The following MAD1L1 variants were observed in gnomAD, a reference collection of about 807,000 sequenced individuals.
MAD1L1 encodes the protein mitotic spindle assembly checkpoint protein MAD1.
MAD1L1 carries 95 observed loss-of-function variants against 96.9 expected under a neutral mutation model. The ratio of observed to expected loss-of-function variants is 0.98; its 90% CI spans 0.83 to 1.16. MAD1L1 has a LOEUF of 1.16. Among genes scored for constraint, MAD1L1 ranks in the 50% most tolerant of loss-of-function variants. The pLI, the probability that MAD1L1 is intolerant of heterozygous loss-of-function variation, is 0.00. For synonymous variants in MAD1L1, 473 were observed against 396.6 expected, an observed-to-expected ratio of 1.19 and a Z score of -2.29; for missense variants, 1,007 against 954.4, an observed-to-expected ratio of 1.06 and a Z score of -0.73.
intron 17 of MAD1L1, among the ~76,000 whole-genome samples, chr7:1,905,908 G>A (rs1233516491): frequency 6.6e-6 from 1 of 152,090 alleles, no homozygotes; most frequent in Non-Finnish European, 1.5e-5. Context: ...AAATTAGCCG[G>A]ACGTGGTGGC....
chr7:1,921,099 A>T (rs552850012), intron 17 of MAD1L1, among the ~76,000 whole-genome samples: 38 of 152,248 alleles, frequency 2.5e-4, no homozygotes, highest in African/African-American at 9.1e-4. Flanking sequence ...AGCCCAGATG[A>T]CACACTCCTG....
chr7:1,912,025 G>C (rs544088858), intron 17 of MAD1L1, among the ~76,000 whole-genome samples: 30 of 152,366 alleles, frequency 2.0e-4, no homozygotes, highest in Admixed American at 1.7e-3. Flanking sequence ...ACTTGTCGGG[G>C]GTCTGGGGGC....
At chr7:2,058,483 A>G (rs1485667046) in intron 12 of MAD1L1, among the ~76,000 whole-genome samples, 3 of 31,802 alleles carry the variant, frequency 9.4e-5, no homozygotes, top group African/African-American at 1.3e-4. Context: ...CAGAGGAGAG[A>G]AGCAGGGCTG....
At chr7:1,955,698 G>A (rs1161997663) in intron 16 of MAD1L1, among the ~76,000 whole-genome samples, 1 of 152,122 alleles carries the variant, frequency 6.6e-6, no homozygotes, top group African/African-American at 2.4e-5. Context: ...CCCCTCCCCC[G>A]GTTCCTCACA....
At chr7:2,140,022 C>A (rs1788951593) in intron 11 of MAD1L1, among the ~76,000 whole-genome samples, 1 of 150,842 alleles carries the variant, frequency 6.6e-6, no homozygotes, top group Non-Finnish European at 1.5e-5. Context: ...TGCTCCACTG[C>A]AGCACAGCAC....
Position 2,114,161 on chromosome 7 carries a change from G to A in MAD1L1, c.1073+34991C>T, listed in dbSNP as rs547094434. On this transcript the variant is annotated intron_variant, in intron 11 of 18. Transcript: ENST00000265854. The surrounding 1 kb of genome is among the most constrained non-coding windows in gnomAD (Gnocchi z 4.2). Reference sequence around the variant, plus strand: ...CGTCGAAACATTCTCCACGACTTCTGCAACTTTCCTGTCAGTGTAACATTA... The same window carrying A: ...CGTCGAAACATTCTCCACGACTTCTACAACTTTCCTGTCAGTGTAACATTA... Among the ~76,000 whole-genome samples, 56 of 152,338 alleles carry A rather than the reference G, an allele frequency of 3.7e-4. No homozygotes were observed. The highest frequency in any genetic ancestry group is 1.4e-3 in the South Asian group (7 of 4,830).
At chr7:2,173,264 G>A (rs1411050685) in intron 10 of MAD1L1, among the ~76,000 whole-genome samples, 3 of 152,114 alleles carry the variant, frequency 2.0e-5, no homozygotes, top group African/African-American at 7.2e-5. Context: ...GACTTCTCAG[G>A]ATGGAAGAGG....
At chr7:2,199,025 C>T (rs557971532) in intron 10 of MAD1L1, among the ~76,000 whole-genome samples, 5 of 152,308 alleles carry the variant, frequency 3.3e-5, no homozygotes, top group East Asian at 1.9e-4. Flanking sequence ...CGGCCTTGGG[C>T]GGGGCTATCC....
rs186233926 is a variant in MAD1L1, at chr7:1,885,256, C to T, written c.1998+12944G>A. ...CTGGTCTCAGGAACCACTCCCTGCC[C>T]AGAGCTCCACGAAGGGCTGCCTCTC... On this transcript the variant is annotated intron_variant, in intron 18 of 18. Transcript: ENST00000265854. 2.3e-3 allele frequency among the ~76,000 whole-genome samples: 355 copies of T among 152,260 alleles called. 1 individual carries two copies. Among genetic ancestry groups the T allele is most frequent in the African/African-American group, 8.1e-3 (337 of 41,548 alleles).
At chr7:1,955,506 G>C (rs1239770418) in intron 16 of MAD1L1, among the ~76,000 whole-genome samples, 1 of 152,156 alleles carries the variant, frequency 6.6e-6, no homozygotes. Flanking sequence ...GGCCAGGCTG[G>C]CCTTGAGCTC....
rs1483758377 is a variant in MAD1L1 at position 2,088,205 on chromosome 7, T to C, written c.1074-18867A>G. The stretch of plus-strand genomic sequence containing the variant: ...GGTCGGGCAGCAAAGCGACCTTGGA[T>C]CACACATCGCGCCTCTTCACGCCTC... On this transcript the variant is annotated intron_variant, in intron 11 of 18. Transcript: ENST00000265854. This position sits in a 1 kb window ranked among gnomAD's most constrained non-coding sequence, Gnocchi z 4.4. Among the ~76,000 whole-genome samples the C allele has an allele frequency of 2.6e-5, 4 of 152,130 alleles. No homozygotes were observed. Among genetic ancestry groups the C allele is most frequent in the Non-Finnish European group, 5.9e-5 (4 of 68,024 alleles).
At chr7:2,162,321 G>A (rs1790191553) in intron 10 of MAD1L1, among the ~76,000 whole-genome samples, 1 of 152,164 alleles carries the variant, frequency 6.6e-6, no homozygotes, top group African/African-American at 2.4e-5. Flanking sequence ...CATGTGCTGT[G>A]TCCACTCAGG....
chr7:1,903,835 A>G lies in MAD1L1; in HGVS notation c.1808-5445T>C, dbSNP rs1353176038. Reference sequence around the variant, plus strand: ...TGAAAGATGCTCTTGCAGAACTCATAATTGATCAAGCACTGTTCCAGGCAG... The same window carrying G: ...TGAAAGATGCTCTTGCAGAACTCATGATTGATCAAGCACTGTTCCAGGCAG... On this transcript the variant is annotated intron_variant, in intron 17 of 18. Coordinates refer to ENST00000265854, the MANE Select transcript of MAD1L1 (RefSeq NM_001013836.2). 2.0e-3 allele frequency among the ~76,000 whole-genome samples: 181 copies of G among 92,002 alleles called. 1 individual carries two copies. Among genetic ancestry groups the G allele is most frequent in the Middle Eastern group, 0.021 (2 of 96 alleles). The allele number at this position is 92,002 out of a possible 152,430, so 60.4% of individuals were successfully genotyped here. A position where few individuals can be genotyped will look rare whatever the true frequency, so the allele number is the denominator to read the frequency against.
At chr7:2,100,096 G>C (rs1412847524) in intron 11 of MAD1L1, among the ~76,000 whole-genome samples, 3 of 152,240 alleles carry the variant, frequency 2.0e-5, no homozygotes, top group African/African-American at 7.2e-5. Context: ...TGATGGATAA[G>C]GACATAGGTG....
chr7:2,092,317 G>A (rs1717934909), intron 11 of MAD1L1, among the ~76,000 whole-genome samples: 1 of 152,096 alleles, frequency 6.6e-6, no homozygotes, highest in South Asian at 2.1e-4. Flanking sequence ...GGAGTGCAGT[G>A]GTGTGATCAC....
chr7:1,906,620 C>T (rs1220714929), intron 17 of MAD1L1, among the ~76,000 whole-genome samples: 1 of 152,264 alleles, frequency 6.6e-6, no homozygotes, highest in African/African-American at 2.4e-5. Flanking sequence ...TCTTTCCCTG[C>T]AGTGCAACTG....
chr7:2,070,007 A>G (rs1785050235), intron 11 of MAD1L1, among the ~76,000 whole-genome samples: 1 of 146,604 alleles, frequency 6.8e-6, no homozygotes, highest in Non-Finnish European at 1.5e-5. Flanking sequence ...AACGGCTCTC[A>G]CTAGACCCCT....
intron 11 of MAD1L1, among the ~76,000 whole-genome samples, chr7:2,073,128 G>A (rs1785216094): frequency 6.6e-6 from 1 of 152,200 alleles, no homozygotes; most frequent in African/African-American, 2.4e-5. Context: ...AGGACGGCAG[G>A]CACCGAGGCG....
chr7:1,865,731 G>A (rs1285313498), intron 18 of MAD1L1, among the ~76,000 whole-genome samples: 3 of 152,244 alleles, frequency 2.0e-5, no homozygotes, highest in Non-Finnish European at 4.4e-5. Context: ...CAGTTAATCA[G>A]GACTGGCTGC....
Sources: gnomAD v4.1 joint callset for allele counts (sites outside exome capture counted in the v4.1 genomes callset) on GRCh38, gnomAD v4.1.1 for gene constraint, Gnocchi (gnomAD v3.1) non-coding constraint, MANE v1.5 for transcripts, NCBI Gene and HGNC (gene_info 2026-07-23, HGNC 2026-07-21) for gene names.